Variants in MAGI2 observed in about 807,000 individuals in gnomAD.
The protein encoded by MAGI2 is membrane associated guanylate kinase, WW and PDZ domain containing 2, also known as membrane-associated guanylate kinase, WW and PDZ domain-containing protein 2.
A neutral mutation model predicts 133.3 loss-of-function variants in MAGI2; 35 were observed. The observed-to-expected ratio is 0.26, with a 90% CI of 0.20 to 0.35. The LOEUF is 0.35. Among genes scored for constraint, MAGI2 ranks in the 10% least tolerant of loss-of-function variants. The pLI, the probability that MAGI2 is intolerant of heterozygous loss-of-function variation, is 1.00. For synonymous variants in MAGI2, 729 were observed against 710.6 expected (o/e 1.03, Z -0.41); for missense variants, 1,636 against 1,863.4 (o/e 0.88, Z 2.25).
chr7:79,379,113 C>T (rs2129141081), intron 1 of MAGI2, among the ~76,000 whole-genome samples: 1 of 43,306 alleles, frequency 2.3e-5, no homozygotes, highest in East Asian at 7.1e-4. Flanking sequence ...CTCCCTCCTC[C>T]CCCCCACCCC....
At chr7:78,077,414 A>G (rs1815440679) in intron 21 of MAGI2, among the ~76,000 whole-genome samples, 1 of 150,494 alleles carries the variant, frequency 6.6e-6, no homozygotes. Context: ...ATATATATAT[A>G]TATATTTAAA....
chr7:78,506,292 G>A (rs545457531), intron 4 of MAGI2, among the ~76,000 whole-genome samples: 3 of 152,294 alleles, frequency 2.0e-5, no homozygotes, highest in African/African-American at 7.2e-5. Context: ...GTAGGATTCT[G>A]TGGGGTAGGG....
At chr7:79,045,619 C>T (rs1186182050) in intron 1 of MAGI2, among the ~76,000 whole-genome samples, 21 of 152,062 alleles carry the variant, frequency 1.4e-4, no homozygotes, top group Admixed American at 1.4e-3. Flanking sequence ...AGTGAAACCC[C>T]ATCTCTACTA....
At chr7:78,756,300 C>G (rs567412746) in intron 2 of MAGI2, among the ~76,000 whole-genome samples, 2 of 152,318 alleles carry the variant, frequency 1.3e-5, no homozygotes, top group African/African-American at 4.8e-5. Flanking sequence ...ACTGCAAAGA[C>G]TGAAGTGGTT....
intron 1 of MAGI2, among the ~76,000 whole-genome samples, chr7:79,074,150 C>T (rs563706989): frequency 1.3e-5 from 2 of 152,236 alleles, no homozygotes; most frequent in South Asian, 4.1e-4. Flanking sequence ...TACCTTGTTG[C>T]CACCTTATCA....
intron 10 of MAGI2, among the ~76,000 whole-genome samples, chr7:78,243,056 A>G (rs570108763): frequency 1.3e-5 from 2 of 152,234 alleles, no homozygotes; most frequent in East Asian, 3.9e-4. Context: ...TGGGTGACAG[A>G]GTGAGACCCT....
At chr7:78,367,126 C>CACACACACACAA (rs1228178946) in intron 7 of MAGI2, among the ~76,000 whole-genome samples, 2 of 151,702 alleles carry the variant, frequency 1.3e-5, no homozygotes, top group African/African-American at 4.8e-5. Context: ...CACACACACA[C>CACACACACACAA]AAATTTGAAG....
intron 2 of MAGI2, among the ~76,000 whole-genome samples, chr7:78,879,727 C>A (rs1429579002): frequency 6.6e-6 from 1 of 151,830 alleles, no homozygotes; most frequent in Non-Finnish European, 1.5e-5. Flanking sequence ...AAACAATAAT[C>A]CCAAACTGGA....
intron 2 of MAGI2, among the ~76,000 whole-genome samples, chr7:78,865,629 G>A (rs1031359512): frequency 5.9e-5 from 9 of 152,174 alleles, no homozygotes; most frequent in Non-Finnish European, 1.0e-4. Flanking sequence ...AATTGACTGG[G>A]ATATAGCAAT....
intron 2 of MAGI2, among the ~76,000 whole-genome samples, chr7:78,764,477 C>G (rs1824812724): frequency 6.6e-6 from 1 of 152,182 alleles, no homozygotes; most frequent in Admixed American, 6.5e-5. Flanking sequence ...GCCTTTTATA[C>G]TTAGGAAAGG....
chr7:78,603,350 GCT>G (rs1415490756), intron 3 of MAGI2, among the ~76,000 whole-genome samples: 1 of 152,102 alleles, frequency 6.6e-6, no homozygotes, highest in Non-Finnish European at 1.5e-5. Flanking sequence ...TTGCTTTCTG[GCT>G]CTGTTAGATG....
intron 1 of MAGI2, among the ~76,000 whole-genome samples, chr7:79,117,934 T>C (rs973698971): frequency 2.6e-5 from 4 of 152,208 alleles, no homozygotes; most frequent in Non-Finnish European, 5.9e-5. Context: ...CATGGCCATA[T>C]TCAACTATTC....
intron 1 of MAGI2, among the ~76,000 whole-genome samples, chr7:79,346,530 A>G (rs1237336990): frequency 6.6e-6 from 1 of 151,912 alleles, no homozygotes; most frequent in African/African-American, 2.4e-5. Flanking sequence ...TCATCAGACT[A>G]TTACAGCATC....
At chr7:79,420,729 C>A (rs116519102) in intron 1 of MAGI2, among the ~76,000 whole-genome samples, 1,717 of 151,972 alleles carry the variant, frequency 0.011, 38 homozygotes, top group African/African-American at 0.04. Context: ...AATTCATGGT[C>A]CACTAATATT....
intron 3 of MAGI2, among the ~76,000 whole-genome samples, chr7:78,532,285 T>A (rs1182624431): frequency 6.6e-6 from 1 of 152,232 alleles, no homozygotes; most frequent in African/African-American, 2.4e-5. Flanking sequence ...GAATAGAGAA[T>A]AACAATAAAC....
intron 2 of MAGI2, among the ~76,000 whole-genome samples, chr7:78,954,155 C>G (rs754078150): frequency 6.6e-6 from 1 of 152,050 alleles, no homozygotes; most frequent in African/African-American, 2.4e-5. Flanking sequence ...TATGCCTCCT[C>G]ATTTAATATT....
Position 78,741,374 on chromosome 7 carries a change from GAAACACAC to G in MAGI2, c.419-114143_419-114136del, listed in dbSNP as rs1822404053. Among the ~76,000 whole-genome samples, 4 of 84,254 alleles carry G rather than the reference GAAACACAC, an allele frequency of 4.7e-5. 1 individual carries two copies. The highest frequency in any genetic ancestry group is 4.9e-4 in the South Asian group (1 of 2,028). 55.3% of individuals were successfully genotyped at this position (84,254 alleles called of 152,430 possible). A position where few individuals can be genotyped will look rare whatever the true frequency, so the allele number is the denominator to read the frequency against. On this transcript the variant is annotated intron_variant, in intron 2 of 21. Transcript: ENST00000354212. ...TTTGGAGGAATAGAAGAAAAAAGTTGAAACACACACACACACACACACACACACACACA... is the reference window on the plus strand; with the variant it reads ...TTTGGAGGAATAGAAGAAAAAAGTTGACACACACACACACACACACACACA...
intron 4 of MAGI2, among the ~76,000 whole-genome samples, chr7:78,505,979 G>C (rs1009215243): frequency 6.6e-6 from 1 of 151,836 alleles, no homozygotes; most frequent in Non-Finnish European, 1.5e-5. Flanking sequence ...GGCTCTATCA[G>C]GCATGCTCAG....
intron 3 of MAGI2, chr7:78,619,005 T>TAAAAAAAAA (rs58783152): frequency 2.0e-5 from 1 of 50,376 alleles, no homozygotes; most frequent in Non-Finnish European, 3.6e-5. Flanking sequence ...CCAAAATCGC[T>TAAAAAAAAA]AAAAAAAAAA....
Sources: gnomAD v4.1 joint callset for allele counts (sites outside exome capture counted in the v4.1 genomes callset) on GRCh38, gnomAD v4.1.1 for gene constraint, MANE v1.5 for transcripts, NCBI Gene and HGNC (gene_info 2026-07-23, HGNC 2026-07-21) for gene names.